BABAM2: variants seen among roughly 807,000 people sequenced by gnomAD.
BABAM2 encodes BRISC and BRCA1-A complex member 2.
A neutral mutation model predicts 54.7 loss-of-function variants in BABAM2; 31 were observed. That is an observed-to-expected ratio of 0.57 (90% CI 0.43 to 0.77). BABAM2 has a LOEUF of 0.77. Ranked by LOEUF, BABAM2 falls within the 30% of genes least tolerant of loss-of-function variation. The probability of loss-of-function intolerance (pLI) is 0.00; values close to 1 mark genes in which losing one functional copy is unlikely to be tolerated. For synonymous variants in BABAM2, 167 were observed against 162.9 expected (o/e 1.03, Z -0.19); for missense variants, 364 against 455.8 (o/e 0.80, Z 1.83).
intron 7 of BABAM2, among the ~76,000 whole-genome samples, chr2:28,169,974 CA>C (rs1454611156): frequency 6.6e-6 from 1 of 151,958 alleles, no homozygotes; most frequent in Non-Finnish European, 1.5e-5. Flanking sequence ...TTTAAACTTT[CA>C]AAAAACATTT....
chr2:28,120,566 C>A (rs1668984182), intron 6 of BABAM2, among the ~76,000 whole-genome samples: 1 of 152,162 alleles, frequency 6.6e-6, no homozygotes, highest in Non-Finnish European at 1.5e-5. Context: ...TTAGTTCCTA[C>A]CTTACACAGT....
chr2:28,060,666 A>C (rs144633959), intron 6 of BABAM2, among the ~76,000 whole-genome samples: 1,846 of 152,334 alleles, frequency 0.012, 34 homozygotes, highest in African/African-American at 0.041. Flanking sequence ...TCAATATATA[A>C]AATCAATTAT....
intron 8 of BABAM2, among the ~76,000 whole-genome samples, chr2:28,240,344 G>T (rs1433303278): frequency 6.6e-6 from 1 of 152,006 alleles, no homozygotes; most frequent in Non-Finnish European, 1.5e-5. Context: ...GGCTGGTCTT[G>T]AATTCCTGGC....
chr2:28,142,779 A>G (rs1033279937), intron 7 of BABAM2, among the ~76,000 whole-genome samples: 5 of 152,326 alleles, frequency 3.3e-5, no homozygotes, highest in South Asian at 4.1e-4. Flanking sequence ...TTAAAGCTAA[A>G]GGAAATTATT....
intron 3 of BABAM2, chr2:27,930,148 G>T: frequency 2.5e-6 from 1 of 402,720 alleles, no homozygotes; most frequent in South Asian, 3.3e-5. Context: ...GGCATGCCCG[G>T]TAATTTTTAT....
intron 10 of BABAM2, among the ~76,000 whole-genome samples, chr2:28,252,880 G>A (rs908898493): frequency 6.6e-6 from 1 of 152,206 alleles, no homozygotes; most frequent in Admixed American, 6.5e-5. Context: ...ACTTCTCAGT[G>A]ATTTTTGACA....
At chr2:28,115,182 A>C (rs1573610706) in intron 6 of BABAM2, among the ~76,000 whole-genome samples, 3 of 142,250 alleles carry the variant, frequency 2.1e-5, no homozygotes, top group South Asian at 2.3e-4. Flanking sequence ...ATAACTTTAA[A>C]ACACACACAC....
At chr2:27,923,688 C>A (rs1480885296) in intron 2 of BABAM2, among the ~76,000 whole-genome samples, 3 of 151,416 alleles carry the variant, frequency 2.0e-5, no homozygotes, top group Non-Finnish European at 4.4e-5. Flanking sequence ...ATGCAGAAAG[C>A]AGATGGGTGC....
chr2:28,067,942 T>A (rs947355812), intron 6 of BABAM2, among the ~76,000 whole-genome samples: 8 of 152,204 alleles, frequency 5.3e-5, no homozygotes, highest in Non-Finnish European at 1.0e-4. Flanking sequence ...TTTAAAAAAA[T>A]TTCTTTTTAA....
intron 11 of BABAM2, among the ~76,000 whole-genome samples, chr2:28,301,359 G>T (rs1023805032): frequency 6.6e-6 from 1 of 152,206 alleles, no homozygotes; most frequent in Non-Finnish European, 1.5e-5. Flanking sequence ...CTGTCTAGCA[G>T]ATTCTGTCCC....
chr2:28,133,441 A>C (rs1670260006), intron 7 of BABAM2, among the ~76,000 whole-genome samples: 1 of 152,024 alleles, frequency 6.6e-6, no homozygotes, highest in Non-Finnish European at 1.5e-5. Context: ...TGAGGCTTGT[A>C]CTCCTTTTGG....
intron 7 of BABAM2, among the ~76,000 whole-genome samples, chr2:28,133,858 G>A (rs577025569): frequency 2.2e-4 from 34 of 152,166 alleles, no homozygotes; most frequent in Non-Finnish European, 3.7e-4. Context: ...TCTGAGATGT[G>A]TTCTAATTTG....
intron 2 of BABAM2, among the ~76,000 whole-genome samples, chr2:27,901,870 A>T (rs904247982): frequency 6.6e-6 from 1 of 152,208 alleles, no homozygotes; most frequent in African/African-American, 2.4e-5. Context: ...ATACATAAAT[A>T]TATTCCTCAA....
At chr2:28,048,893 G>A (rs1353425345) in intron 6 of BABAM2, among the ~76,000 whole-genome samples, 4 of 152,182 alleles carry the variant, frequency 2.6e-5, no homozygotes, top group African/African-American at 9.7e-5. Context: ...AGAGTGTGGT[G>A]AAAAGTGCTG....
intron 6 of BABAM2, among the ~76,000 whole-genome samples, chr2:28,056,298 CTA>C (rs1362691212): frequency 1.3e-5 from 2 of 152,108 alleles, no homozygotes; most frequent in African/African-American, 4.8e-5. Flanking sequence ...AAATGGGTAA[CTA>C]TGTGAGATGA....
chr2:27,927,234 C>A (rs947615920), intron 2 of BABAM2, among the ~76,000 whole-genome samples: 1 of 152,028 alleles, frequency 6.6e-6, no homozygotes, highest in African/African-American at 2.4e-5. Context: ...ATGAGTGTAA[C>A]CATTCGGGAA....
intron 7 of BABAM2, among the ~76,000 whole-genome samples, chr2:28,157,958 T>A (rs552831298): frequency 1.3e-5 from 2 of 152,334 alleles, no homozygotes; most frequent in African/African-American, 4.8e-5. Context: ...GCCTGGGTTC[T>A]AATCTCTGAT....
chr2:27,941,222 A>G (rs541788880), intron 3 of BABAM2, among the ~76,000 whole-genome samples: 1 of 152,194 alleles, frequency 6.6e-6, no homozygotes, highest in African/African-American at 2.4e-5. Flanking sequence ...TGTTTCAGGA[A>G]TTCTTTCTAA....
chr2:28,123,469 C>G lies in BABAM2; in HGVS notation c.571-5802C>G, dbSNP rs573807216. On this transcript the variant is annotated intron_variant, in intron 6 of 11. Coordinates refer to ENST00000379624, the MANE Select transcript of BABAM2 (RefSeq NM_199191.3). ...AGATACAGAGCCCTGAAAATGTATA[C>G]TTGTACGTTTTTAAATGTCCCCTAC... 2.6e-5 allele frequency among the ~76,000 whole-genome samples: 4 copies of G among 152,064 alleles called. No individual in the cohort carries two copies. The East Asian group carries it at 7.7e-4, about 29-fold the overall frequency.
Sources: allele counts gnomAD v4.1 joint callset (sites outside exome capture counted in the v4.1 genomes callset), GRCh38; gene constraint gnomAD v4.1.1; transcripts MANE v1.5; gene names NCBI Gene and HGNC (gene_info 2026-07-23, HGNC 2026-07-21).